The following IARS1 variants were observed in gnomAD, a reference collection of about 807,000 sequenced individuals.
The protein encoded by IARS1 is isoleucyl-tRNA synthetase 1, also known as isoleucine--tRNA ligase, cytoplasmic.
IARS1 carries 124 observed loss-of-function variants against 168.2 expected under a neutral mutation model. That is an observed-to-expected ratio of 0.74 (90% confidence interval 0.64 to 0.86). The LOEUF is 0.86. IARS1 is among the 40% of genes least tolerant of loss of function. IARS1 has a pLI of 0.00. For synonymous variants in IARS1, 532 were observed against 529.4 expected (o/e 1.00, Z -0.07); for missense variants, 1,452 against 1,515.8 (o/e 0.96, Z 0.70).
At chr9:92,232,055 C>G (rs543936858) in intron 30 of IARS1, among the ~76,000 whole-genome samples, 1 of 152,198 alleles carries the variant, frequency 6.6e-6, no homozygotes, top group South Asian at 2.1e-4. Context: ...TTTTCGAGTG[C>G]AGCAAAAAAA....
At chr9:92,214,279 G>T (rs1487237914) in intron 33 of IARS1, among the ~76,000 whole-genome samples, 1 of 151,886 alleles carries the variant, frequency 6.6e-6, no homozygotes, top group African/African-American at 2.4e-5. Context: ...GAATGGTCTG[G>T]GTGTGGTGGC....
intron 14 of IARS1, among the ~76,000 whole-genome samples, chr9:92,266,783 C>G (rs1222400996): frequency 6.6e-6 from 1 of 152,216 alleles, no homozygotes; most frequent in African/African-American, 2.4e-5. Flanking sequence ...TGGCTCCTGT[C>G]CAGCCTTCCA....
At chr9:92,232,565 A>T (rs1378181716) in intron 30 of IARS1, among the ~76,000 whole-genome samples, 1 of 152,252 alleles carries the variant, frequency 6.6e-6, no homozygotes, top group Non-Finnish European at 1.5e-5. Context: ...AATCCAAAAC[A>T]GAAGGGTATG....
In IARS1 at chr9:92,258,966, G is replaced by A; in HGVS notation, c.1904C>T (p.Ala635Val). Residue 635 changes from alanine (A) to valine (V), a missense_variant, in exon 19 of 34, where the codon GCA becomes GTA. Coordinates refer to ENST00000443024, the MANE Select transcript of IARS1 (RefSeq NM_002161.6). ...CTCTTCTTTAAAGCGGAGGTTTTCT[G>A]CTCTCACCACAGGGGAGTTAATCAG... ...LYLINSPVVR[A>V]ENLRFKEEGV... 1 of 1,613,448 alleles carries A rather than the reference G, an allele frequency of 6.2e-7. No homozygotes were observed. Among genetic ancestry groups the A allele is most frequent in the Non-Finnish European group, 8.5e-7 (1 of 1,179,762 alleles).
At position 92,234,988 on chromosome 9, in the gene IARS1, T is replaced by C. The variant is rs568872595; in HGVS notation, c.3284-5862A>G. On this transcript the variant is annotated intron_variant, in intron 30 of 33. Coordinates refer to ENST00000443024, the MANE Select transcript of IARS1 (RefSeq NM_002161.6). ...CCTCCTGAGTAGCTGGGAGTACAGG[T>C]GACCGCCATCACACCTAATTCTTTA... 4.6e-5 allele frequency among the ~76,000 whole-genome samples: 7 copies of C among 152,026 alleles called. 1 individual carries two copies. The East Asian group carries it at 1.4e-3, about 29-fold the overall frequency.
chr9:92,288,168 A>G lies in IARS1; in HGVS notation c.234T>C (p.His78=). The G allele has an allele frequency of 1.9e-6, 3 of 1,614,104 alleles. No individual in the cohort carries two copies. Among genetic ancestry groups the G allele is most frequent in the Non-Finnish European group, 2.5e-6 (3 of 1,179,974 alleles). The change falls in exon 3 of 34, where the codon CAT becomes CAC. Residue 78 remains histidine, a synonymous_variant. Transcript: ENST00000443024. ...VTRYAHQSGF[H]VDRRFGWDCH... ...AATCCCATCCAAATCTTCTGTCAAC[A>G]TGAAACCCACTCTGGTGAGCATATC...
intron 1 of IARS1, among the ~76,000 whole-genome samples, chr9:92,292,155 C>A (rs1026499736): frequency 1.4e-5 from 2 of 146,142 alleles, no homozygotes; most frequent in Admixed American, 6.8e-5. Context: ...GTAGCTAGGA[C>A]TACAGGTGTG....
chr9:92,228,706 C>T (rs941680164), intron 31 of IARS1, among the ~76,000 whole-genome samples: 8 of 151,934 alleles, frequency 5.3e-5, no homozygotes, highest in African/African-American at 1.9e-4. Context: ...AGAGTGAGAC[C>T]CTGTCTCAAA....
At chr9:92,257,861 C>A (rs1177853569) in intron 19 of IARS1, among the ~76,000 whole-genome samples, 1 of 152,082 alleles carries the variant, frequency 6.6e-6, no homozygotes, top group Non-Finnish European at 1.5e-5. Context: ...AACTCTGACC[C>A]CAAATCAGGT....
At chr9:92,278,652 G>T (rs1216234307) in intron 7 of IARS1, among the ~76,000 whole-genome samples, 7 of 152,094 alleles carry the variant, frequency 4.6e-5, no homozygotes, top group African/African-American at 1.7e-4. Flanking sequence ...TCTCATTTGG[G>T]TGTCTATGGA....
chr9:92,230,505 C>T (rs1027010965), intron 30 of IARS1, among the ~76,000 whole-genome samples: 1 of 152,142 alleles, frequency 6.6e-6, no homozygotes, highest in Admixed American at 6.5e-5. Context: ...ATATGTACCC[C>T]AGTTTGCTTA....
chr9:92,245,267 C>T (rs1829020653), intron 26 of IARS1, among the ~76,000 whole-genome samples, 196 bp from the exon 27 acceptor site: 1 of 152,182 alleles, frequency 6.6e-6, no homozygotes, highest in South Asian at 2.1e-4. Context: ...CACTATGCTA[C>T]CTTGAAGACA....
Position 92,258,891 on chromosome 9 carries a change from T to C in IARS1, c.1979A>G (p.Tyr660Cys), listed in dbSNP as rs767768701. 5 of 1,613,076 alleles carry C rather than the reference T, an allele frequency of 3.1e-6. No homozygotes were observed. Among genetic ancestry groups the C allele is most frequent in the African/African-American group, 1.3e-5 (1 of 74,968 alleles). The change falls in exon 19 of 34, where the codon TAT (tyrosine) becomes TGT (cysteine). Residue 660 changes from tyrosine to cysteine, a missense_variant. Coordinates refer to ENST00000443024, the MANE Select transcript of IARS1 (RefSeq NM_002161.6). ...KDVLLPWYNAYRFLIQNVLRL... is the reference protein window; with the variant it reads ...KDVLLPWYNACRFLIQNVLRL... The stretch of plus-strand genomic sequence containing the variant: ...CAGAACGTTCTGGATTAAGAAGCGA[T>C]AGGCATTGTACCATGGGAGCAGTAC...
intron 14 of IARS1, 95 bp from the exon 15 acceptor site, chr9:92,265,648 T>G (rs567797632): frequency 4.4e-5 from 44 of 991,850 alleles, no homozygotes; most frequent in Admixed American, 2.7e-4. Flanking sequence ...TTTGAGAGAC[T>G]GATGATTTTC....
intron 4 of IARS1, 111 bp downstream of exon 4, chr9:92,287,680 T>G: frequency 1.6e-6 from 2 of 1,250,804 alleles, no homozygotes; most frequent in Non-Finnish European, 2.2e-6. Context: ...AGCTAACACT[T>G]TTTCTACAAA....
At chr9:92,247,247 A>T (rs972575513) in intron 26 of IARS1, 130 bp downstream of exon 26, 7 of 697,226 alleles carry the variant, frequency 1.0e-5, no homozygotes, top group Non-Finnish European at 1.7e-5. Flanking sequence ...AGGAAAGGAA[A>T]GGACAGGACA....
chr9:92,271,420 A>T, intron 11 of IARS1, 113 bp downstream of exon 11: 1 of 1,349,364 alleles, frequency 7.4e-7, no homozygotes, highest in East Asian at 2.3e-5. Flanking sequence ...ATTTCATGCG[A>T]TGACAAAACC....
chr9:92,272,715 G>A (rs533625235), intron 10 of IARS1, among the ~76,000 whole-genome samples: 2 of 152,230 alleles, frequency 1.3e-5, no homozygotes, highest in East Asian at 3.9e-4. Context: ...GCCAGGCATG[G>A]TGGCAGGTGC....
chr9:92,237,050 T>C (rs1827652389), intron 30 of IARS1, among the ~76,000 whole-genome samples: 1 of 152,222 alleles, frequency 6.6e-6, no homozygotes, highest in African/African-American at 2.4e-5. Context: ...TTGTTTTCAA[T>C]TGCACTGATC....
Sources: allele counts gnomAD v4.1 joint callset (sites outside exome capture counted in the v4.1 genomes callset), GRCh38; gene constraint gnomAD v4.1.1; transcripts MANE v1.5; gene names NCBI Gene and HGNC (gene_info 2026-07-23, HGNC 2026-07-21).